The following SNAP25 variants were observed in gnomAD, a reference collection of about 807,000 sequenced individuals.
The protein encoded by SNAP25 is synaptosomal-associated protein 25.
Under a neutral mutation model 28.7 loss-of-function variants are expected in SNAP25, and 3 were observed. The observed-to-expected ratio is 0.10, with a 90% CI of 0.05 to 0.27. The LOEUF (loss-of-function observed/expected upper bound fraction) is 0.27, where lower values mean the gene tolerates loss of function less well. Ranked by LOEUF, SNAP25 falls within the 10% of genes least tolerant of loss-of-function variation. The pLI, the probability that SNAP25 is intolerant of heterozygous loss-of-function variation, is 1.00. For synonymous variants in SNAP25, 61 were observed against 88.1 expected (o/e 0.69, Z 1.72); for missense variants, 117 against 278.7 (o/e 0.42, Z 4.13).
At chr20:10,256,466 G>T (rs1028758361) in intron 1 of SNAP25, among the ~76,000 whole-genome samples, 1 of 151,910 alleles carries the variant, frequency 6.6e-6, no homozygotes, top group Non-Finnish European at 1.5e-5. Flanking sequence ...TGACCACTGA[G>T]AAAACTAGAA....
intron 1 of SNAP25, among the ~76,000 whole-genome samples, chr20:10,231,930 A>G (rs2062835393): frequency 6.6e-6 from 1 of 152,108 alleles, no homozygotes. Context: ...ATCTCTTTGG[A>G]TTTTTCATAT....
chr20:10,280,304 G>A (rs1251821489), intron 3 of SNAP25, among the ~76,000 whole-genome samples: 1 of 152,156 alleles, frequency 6.6e-6, no homozygotes, highest in Non-Finnish European at 1.5e-5. Flanking sequence ...ACTACACAGA[G>A]GTGAGTGGAG....
At chr20:10,281,014 C>A (rs1048617468) in intron 3 of SNAP25, among the ~76,000 whole-genome samples, 6 of 152,022 alleles carry the variant, frequency 3.9e-5, no homozygotes, top group Non-Finnish European at 7.4e-5. Flanking sequence ...GGAAAAGCAT[C>A]TCAGAACGGC....
chr20:10,292,486 T>C (rs2064019689), intron 4 of SNAP25, among the ~76,000 whole-genome samples: 1 of 152,182 alleles, frequency 6.6e-6, no homozygotes, highest in Non-Finnish European at 1.5e-5. Flanking sequence ...AACCAAAAGA[T>C]GGAGATATTT....
At chr20:10,241,790 G>C (rs1277947772) in intron 1 of SNAP25, among the ~76,000 whole-genome samples, 1 of 152,120 alleles carries the variant, frequency 6.6e-6, no homozygotes, top group Non-Finnish European at 1.5e-5. Context: ...GGAAAGTGAA[G>C]TGTTAGGAGG....
chr20:10,262,806 T>C (rs971861758), intron 1 of SNAP25, among the ~76,000 whole-genome samples: 2 of 152,092 alleles, frequency 1.3e-5, no homozygotes, highest in African/African-American at 4.8e-5. Context: ...GAGAGAATCT[T>C]TGGAGTGTAC....
At chr20:10,256,455 A>T (rs980684296) in intron 1 of SNAP25, among the ~76,000 whole-genome samples, 2 of 152,220 alleles carry the variant, frequency 1.3e-5, no homozygotes, top group African/African-American at 4.8e-5. Context: ...TGAATTAAAT[A>T]TGACCACTGA....
chr20:10,265,228 G>C (rs1437171149), intron 1 of SNAP25, among the ~76,000 whole-genome samples: 2 of 152,194 alleles, frequency 1.3e-5, no homozygotes, highest in African/African-American at 4.8e-5. Context: ...AAGGAGCCAA[G>C]TCCATCCCAT....
chr20:10,276,597 C>CTTAATTTTTT (rs1568610328), intron 2 of SNAP25, among the ~76,000 whole-genome samples: 1 of 152,114 alleles, frequency 6.6e-6, no homozygotes, highest in African/African-American at 2.4e-5. Context: ...TTTCTTCTTA[C>CTTAATTTTTT]TCATTAATAT....
rs1016380857 is a variant in SNAP25, at chr20:10,299,054, C to T, written c.408-214C>T. On this transcript the variant is annotated intron_variant, in intron 6 of 7. Coordinates refer to ENST00000254976, the MANE Select transcript of SNAP25 (RefSeq NM_130811.4). ...AGATAAATTAATCTATTTAATATACCTTCTTTAAGAATAGAAATTCAAGGG... is the reference window on the plus strand; with the variant it reads ...AGATAAATTAATCTATTTAATATACTTTCTTTAAGAATAGAAATTCAAGGG... 2.6e-5 allele frequency among the ~76,000 whole-genome samples: 4 copies of T among 151,808 alleles called. No individual in the cohort carries two copies. In the East Asian group the frequency reaches 5.8e-4, roughly 22 times the overall value.
chr20:10,279,612 A>G (rs1231530026), intron 3 of SNAP25, among the ~76,000 whole-genome samples: 2 of 152,260 alleles, frequency 1.3e-5, no homozygotes, highest in Admixed American at 6.5e-5. Flanking sequence ...CATGTCGTCC[A>G]GTCTTCAAAA....
chr20:10,224,170 A>T (rs2062686794), intron 1 of SNAP25, among the ~76,000 whole-genome samples: 1 of 147,918 alleles, frequency 6.8e-6, no homozygotes, highest in Non-Finnish European at 1.5e-5. Flanking sequence ...GACTCCAGAG[A>T]TTAAGCTATG....
chr20:10,289,754 A>C (rs2063959627), intron 4 of SNAP25, among the ~76,000 whole-genome samples: 1 of 149,784 alleles, frequency 6.7e-6, no homozygotes, highest in African/African-American at 2.5e-5. Context: ...TCTTCTACTG[A>C]TTTTTACTAG....
At chr20:10,296,690 T>C (rs2064117999) in intron 5 of SNAP25, 1 of 511,440 alleles carries the variant, frequency 2.0e-6, no homozygotes, top group South Asian at 2.8e-5. Flanking sequence ...AAGAACAACC[T>C]TGTGGGCAAA....
intron 1 of SNAP25, among the ~76,000 whole-genome samples, chr20:10,252,790 G>C (rs1308425556): frequency 7.0e-6 from 1 of 142,260 alleles, no homozygotes; most frequent in Admixed American, 7.1e-5. Flanking sequence ...TCAAGCTTTA[G>C]ATAATTTTTC....
intron 5 of SNAP25, among the ~76,000 whole-genome samples, chr20:10,294,971 C>T (rs1320274594): frequency 1.3e-5 from 2 of 152,200 alleles, no homozygotes; most frequent in Non-Finnish European, 2.9e-5. Flanking sequence ...GCAGGGTCCC[C>T]TGGGATGGAT....
intron 1 of SNAP25, among the ~76,000 whole-genome samples, chr20:10,242,223 C>A (rs111403410): frequency 6.6e-6 from 1 of 152,012 alleles, no homozygotes; most frequent in African/African-American, 2.4e-5. Context: ...AAGAATGGGG[C>A]GGGAGAAAGA....
intron 1 of SNAP25, among the ~76,000 whole-genome samples, chr20:10,245,933 A>AATTC (rs2063119293): frequency 6.6e-6 from 1 of 152,218 alleles, no homozygotes; most frequent in Non-Finnish European, 1.5e-5. Flanking sequence ...AAAGCATCTT[A>AATTC]ATTCACTTCA....
At chr20:10,296,813 C>T (rs2064122069) in intron 5 of SNAP25, 112 bp from the exon 6 acceptor site, 1 of 1,523,870 alleles carries the variant, frequency 6.6e-7, no homozygotes, top group South Asian at 1.2e-5. Flanking sequence ...TATCTAATGC[C>T]TCGACTTAAA....
Sources: gnomAD v4.1 joint callset for allele counts (sites outside exome capture counted in the v4.1 genomes callset) on GRCh38, gnomAD v4.1.1 for gene constraint, MANE v1.5 for transcripts, NCBI Gene and HGNC (gene_info 2026-07-23, HGNC 2026-07-21) for gene names.